ITGA6: variants seen among roughly 807,000 people sequenced by gnomAD.
The protein encoded by ITGA6 is integrin subunit alpha 6.
A neutral mutation model predicts 133.6 loss-of-function variants in ITGA6; 63 were observed. That is an observed-to-expected ratio of 0.47 (90% confidence interval 0.38 to 0.58). ITGA6 has a LOEUF of 0.58. Ranked by LOEUF, ITGA6 falls within the 20% of genes least tolerant of loss-of-function variation. The pLI is 0.00. For synonymous variants in ITGA6, 434 were observed against 482.0 expected, an observed-to-expected ratio of 0.90 and a Z score of 1.30; for missense variants, 1,068 against 1,309.4, an observed-to-expected ratio of 0.82 and a Z score of 2.85.
At position 172,501,866 on chromosome 2, in the gene ITGA6, C is replaced by T. The variant is rs905964550; in HGVS notation, c.3209C>T (p.Thr1070Ile). Residue 1070 changes from threonine (T) to isoleucine (I), a missense_variant, in exon 25 of 26, where the codon ACT becomes ATT. Coordinates refer to ENST00000684293, the MANE Select transcript of ITGA6 (RefSeq NM_000210.4). ...CAGCCATCTGATAAAGAGAGGCTTA[C>T]TTCTGATGCATAGTATTGATCTACT... ...HAQPSDKERLTSDA is the reference protein window; with the variant it reads ...HAQPSDKERLISDA 6.2e-7 allele frequency: 1 copy of T among 1,612,070 alleles called. No homozygotes were observed. Among genetic ancestry groups the T allele is most frequent in the Non-Finnish European group, 8.5e-7 (1 of 1,178,972 alleles).
intron 1 of ITGA6, among the ~76,000 whole-genome samples, chr2:172,434,201 G>A (rs1230491664): frequency 6.6e-6 from 1 of 152,196 alleles, no homozygotes; most frequent in African/African-American, 2.4e-5. Flanking sequence ...GGCAAATATG[G>A]AAGTAGTGTT....
intron 9 of ITGA6, among the ~76,000 whole-genome samples, chr2:172,478,058 G>A (rs1306550650): frequency 5.1e-5 from 7 of 137,970 alleles, no homozygotes; most frequent in South Asian, 2.3e-4. Flanking sequence ...AGGCAGAAAT[G>A]TCTGTTAAAA....
chr2:172,459,162 C>T (rs535689125), intron 1 of ITGA6, among the ~76,000 whole-genome samples: 1 of 152,238 alleles, frequency 6.6e-6, no homozygotes, highest in East Asian at 1.9e-4. Context: ...TGAAAGAGGT[C>T]CCACATAGGC....
intron 1 of ITGA6, among the ~76,000 whole-genome samples, chr2:172,450,451 CAAATG>C (rs1391765475): frequency 6.6e-6 from 1 of 152,088 alleles, no homozygotes; most frequent in Non-Finnish European, 1.5e-5. Context: ...AAGCAAAACA[CAAATG>C]AAAGGGTTGA....
intron 13 of ITGA6, among the ~76,000 whole-genome samples, chr2:172,486,027 G>T (rs1303439826): frequency 6.6e-6 from 1 of 151,914 alleles, no homozygotes; most frequent in Admixed American, 6.6e-5. Flanking sequence ...AAATACAAAA[G>T]TTAGCGGGTA....
chr2:172,432,783 G>A (rs1351123415), intron 1 of ITGA6, among the ~76,000 whole-genome samples: 1 of 152,158 alleles, frequency 6.6e-6, no homozygotes, highest in Non-Finnish European at 1.5e-5. Context: ...GTGGGTACTC[G>A]GGACTTGCTG....
chr2:172,490,565 A>G (rs1277065767), intron 20 of ITGA6, among the ~76,000 whole-genome samples: 2 of 152,232 alleles, frequency 1.3e-5, no homozygotes, highest in Admixed American at 6.5e-5. Context: ...TGTATGGCTT[A>G]GTTTTCATTG....
intron 1 of ITGA6, among the ~76,000 whole-genome samples, chr2:172,455,165 C>T (rs1370923345): frequency 6.6e-6 from 1 of 152,158 alleles, no homozygotes; most frequent in Non-Finnish European, 1.5e-5. Context: ...ACTAAGTTTG[C>T]GGCCATTTGT....
chr2:172,456,567 C>G (rs1363439365), intron 1 of ITGA6, among the ~76,000 whole-genome samples: 2 of 152,172 alleles, frequency 1.3e-5, no homozygotes, highest in Non-Finnish European at 2.9e-5. Flanking sequence ...GGACATATGG[C>G]CAGCCTAGCT....
intron 23 of ITGA6, among the ~76,000 whole-genome samples, chr2:172,496,261 A>T (rs1687123876): frequency 6.6e-6 from 1 of 152,230 alleles, no homozygotes; most frequent in African/African-American, 2.4e-5. Flanking sequence ...GAAGTGAGCC[A>T]CGAGGCCACC....
In ITGA6 at chr2:172,427,707, C is replaced by G. The variant is rs1683904588; in HGVS notation, c.-82C>G. The stretch of plus-strand genomic sequence containing the variant: ...GAGGAGGCGAAGGTGGCTGCGGTAG[C>G]AGCAGCGCGGCAGCCTCGGACCCAG... On this transcript the variant is annotated 5_prime_UTR_variant, in exon 1 of 26. Transcript: ENST00000684293. 2.9e-6 allele frequency: 4 copies of G among 1,392,928 alleles called. No individual in the cohort carries two copies. The highest frequency in any genetic ancestry group is 3.7e-6 in the Non-Finnish European group (4 of 1,074,354). The allele number at this position is 1,392,928 out of a possible 1,614,324, so 86.3% of individuals were successfully genotyped here.
intron 1 of ITGA6, among the ~76,000 whole-genome samples, chr2:172,432,496 C>T (rs1215935966): frequency 6.6e-6 from 1 of 152,256 alleles, no homozygotes; most frequent in East Asian, 1.9e-4. Context: ...CCTGTGACAT[C>T]AACTCTTCCT....
At chr2:172,437,546 G>C (rs981383168) in intron 1 of ITGA6, among the ~76,000 whole-genome samples, 1 of 152,098 alleles carries the variant, frequency 6.6e-6, no homozygotes, top group Admixed American at 6.5e-5. Context: ...TAGATTTTGG[G>C]GGCAGGGCAG....
intron 1 of ITGA6, among the ~76,000 whole-genome samples, chr2:172,431,050 C>T (rs1684086589): frequency 6.6e-6 from 1 of 152,174 alleles, no homozygotes; most frequent in Non-Finnish European, 1.5e-5. Flanking sequence ...TCTGCCAACC[C>T]TCATTTTCTT....
chr2:172,486,471 G>A (rs2701268), intron 13 of ITGA6, among the ~76,000 whole-genome samples: 41,529 of 151,998 alleles, frequency 0.27, 7,097 homozygotes, highest in African/African-American at 0.49. Flanking sequence ...AGAACCCATT[G>A]GCATGGTGCT....
rs1193343860 is a variant in ITGA6, at chr2:172,471,075, C to G, written c.745C>G (p.Leu249Val). 1 of 1,614,096 alleles carries G rather than the reference C, an allele frequency of 6.2e-7. No homozygotes were observed. The highest frequency in any genetic ancestry group is 2.2e-5 in the East Asian group (1 of 44,900). Residue 249 changes from leucine to valine, a missense_variant, in exon 5 of 26, where the codon CTC becomes GTC. Physicochemically the swap from Leu to Val is conservative, Grantham distance 32. Around this residue, in one of 3 missense-constraint regions of ITGA6, gnomAD observed 317 missense variants for 456.9 expected, o/e 0.69. Coordinates refer to ENST00000684293, the MANE Select transcript of ITGA6 (RefSeq NM_000210.4). Reference protein sequence around the residue: ...VGGETEHDESLVPVPANSYLG... With the variant: ...VGGETEHDESVVPVPANSYLG... ...TGGAGAGACTGAGCATGATGAAAGTCTCGTTCCTGTTCCTGCTAACAGTTA... is the reference window on the plus strand; with the variant it reads ...TGGAGAGACTGAGCATGATGAAAGTGTCGTTCCTGTTCCTGCTAACAGTTA...
intron 20 of ITGA6, among the ~76,000 whole-genome samples, chr2:172,490,268 A>C (rs1307574043): frequency 6.6e-6 from 1 of 152,192 alleles, no homozygotes; most frequent in Non-Finnish European, 1.5e-5. Context: ...AGGCGTTAAG[A>C]GACAGATTCC....
chr2:172,477,256 A>G (rs6759316), intron 9 of ITGA6, among the ~76,000 whole-genome samples: 65,203 of 151,970 alleles, frequency 0.43, 14,649 homozygotes, highest in East Asian at 0.65. Flanking sequence ...ATGACCTCCC[A>G]AAATGGTGCG....
chr2:172,471,820 T>C (rs1685951217), intron 5 of ITGA6, among the ~76,000 whole-genome samples: 1 of 151,028 alleles, frequency 6.6e-6, no homozygotes, highest in Admixed American at 6.6e-5. Context: ...TGGTATGAGT[T>C]GACAAAAAGA....
Sources: gnomAD v4.1 joint callset for allele counts (sites outside exome capture counted in the v4.1 genomes callset) on GRCh38, gnomAD v4.1.1 for gene constraint, gnomAD v4.1.1 regional missense constraint, MANE v1.5 for transcripts, NCBI Gene and HGNC (gene_info 2026-07-23, HGNC 2026-07-21) for gene names.